KDM4A: variants seen among roughly 807,000 people sequenced by gnomAD.
KDM4A encodes the protein lysine-specific demethylase 4A.
In KDM4A, 23 loss-of-function variants were observed where a neutral mutation model predicts 127.1. That is an observed-to-expected ratio of 0.18 (90% CI 0.13 to 0.26). The LOEUF is 0.26. Ranked by LOEUF, KDM4A falls within the 10% of genes least tolerant of loss-of-function variation. KDM4A has a pLI of 1.00. For synonymous variants in KDM4A, 443 were observed against 466.5 expected, an observed-to-expected ratio of 0.95 and a Z score of 0.65; for missense variants, 890 against 1,329.1, an observed-to-expected ratio of 0.67 and a Z score of 5.14.
intron 2 of KDM4A, among the ~76,000 whole-genome samples, chr1:43,654,066 C>A (rs1481679149): frequency 6.6e-6 from 1 of 152,154 alleles, no homozygotes; most frequent in African/African-American, 2.4e-5. Flanking sequence ...AGTCTTGGAC[C>A]CTGGTGCCTC....
In KDM4A at chr1:43,671,709, C is replaced by A; in HGVS notation, c.1568C>A (p.Ser523Tyr). Residue 523 changes from serine to tyrosine, a missense_variant, in exon 11 of 22, where the codon TCT (serine) becomes TAT (tyrosine). This residue lies in a region of KDM4A where 389 missense variants were observed against 485.9 expected (regional missense o/e 0.80). Transcript: ENST00000372396. Reference protein sequence around the residue: ...GSGSSRDSISSDSETSEPLSC... With the variant: ...GSGSSRDSISYDSETSEPLSC... Reference sequence around the variant, plus strand: ...GGCTCTTCACGGGATTCTATCTCTTCTGATTCAGAAACTAGTGAGCCTCTC... The same window carrying A: ...GGCTCTTCACGGGATTCTATCTCTTATGATTCAGAAACTAGTGAGCCTCTC... 6.2e-7 allele frequency: 1 copy of A among 1,613,690 alleles called. No homozygotes were observed. Among genetic ancestry groups the A allele is most frequent in the Non-Finnish European group, 8.5e-7 (1 of 1,179,812 alleles).
Position 43,669,184 on chromosome 1 carries a change from C to A in KDM4A, c.1248C>A (p.Pro416=). 1.9e-6 allele frequency: 3 copies of A among 1,614,196 alleles called. No homozygotes were observed. The highest frequency in any genetic ancestry group is 2.5e-6 in the Non-Finnish European group (3 of 1,180,038). ...AGGTGAGTCAGAGTGAGCTCTTCCCCAAGGAGGATCTGAGTTCTGAGCAGT... is the reference window on the plus strand; with the variant it reads ...AGGTGAGTCAGAGTGAGCTCTTCCCAAAGGAGGATCTGAGTTCTGAGCAGT... The part of the protein sequence containing the change: ...PQEVSQSELF[P]KEDLSSEQYE... Residue 416 remains proline, a synonymous_variant, in exon 10 of 22, where the codon CCC becomes CCA. Transcript: ENST00000372396.
At chr1:43,697,597 ACTAG>A (rs1442817030) in intron 18 of KDM4A, among the ~76,000 whole-genome samples, 1 of 152,158 alleles carries the variant, frequency 6.6e-6, no homozygotes, top group Non-Finnish European at 1.5e-5. Context: ...CCAGTTGTGG[ACTAG>A]CTAAATTTAT....
At chr1:43,695,079 C>T (rs1241161477) in intron 18 of KDM4A, among the ~76,000 whole-genome samples, 185 bp downstream of exon 18, 1 of 152,196 alleles carries the variant, frequency 6.6e-6, no homozygotes, top group Non-Finnish European at 1.5e-5. Flanking sequence ...ACTCCATAAG[C>T]CAGTGACACC....
chr1:43,685,603 C>T (rs1660955443), intron 12 of KDM4A, among the ~76,000 whole-genome samples: 1 of 151,936 alleles, frequency 6.6e-6, no homozygotes, highest in South Asian at 2.1e-4. Flanking sequence ...ACCATCTCTA[C>T]TAAAAATACA....
chr1:43,690,266 C>T (rs1007693534), intron 13 of KDM4A, among the ~76,000 whole-genome samples: 41 of 152,170 alleles, frequency 2.7e-4, no homozygotes, highest in African/African-American at 8.7e-4. Flanking sequence ...GTGGGGTCAC[C>T]GCACAGTGTA....
intron 14 of KDM4A, 61 bp from the exon 15 acceptor site, chr1:43,691,435 C>G: frequency 7.2e-7 from 1 of 1,382,490 alleles, no homozygotes; most frequent in Middle Eastern, 1.8e-4. Context: ...AAAGGAATTG[C>G]AAATCTACCT....
rs1421615023 is a variant in KDM4A at position 43,704,358 on chromosome 1, C to T, written c.3183C>T (p.Ala1061=). Reference sequence around the variant, plus strand: ...ATATTGAGCCTGCACTATACCGGGCCATCATGGAGTAGGTGCTTCCAGGGT... The same window carrying T: ...ATATTGAGCCTGCACTATACCGGGCTATCATGGAGTAGGTGCTTCCAGGGT... ...EDYIEPALYR[A]IME Residue 1061 remains alanine, a synonymous_variant, in exon 22 of 22, where the codon GCC becomes GCT. Transcript: ENST00000372396. 9.9e-6 allele frequency: 16 copies of T among 1,613,356 alleles called. No individual in the cohort carries two copies. Among genetic ancestry groups the T allele is most frequent in the African/African-American group, 1.3e-5 (1 of 74,884 alleles).
chr1:43,666,389 G>C, intron 6 of KDM4A, 63 bp from the exon 7 acceptor site: 1 of 1,300,646 alleles, frequency 7.7e-7, no homozygotes, highest in Non-Finnish European at 1.1e-6. Flanking sequence ...GGTGTGAAGT[G>C]ACTCCAGGAT....
chr1:43,674,600 T>G (rs983209847), intron 11 of KDM4A, among the ~76,000 whole-genome samples: 109 of 151,550 alleles, frequency 7.2e-4, no homozygotes, highest in African/African-American at 2.4e-3. Context: ...CACTGCAACC[T>G]CCACCTCCTG....
rs748960998 is a variant in KDM4A, at chr1:43,674,450, G to A, written c.1734+2575G>A. ...TCAGGCATATGGAGCTCAGAATGTC[G>A]CTTTATTTACAAGTTAAAATGATTG... On this transcript the variant is annotated intron_variant, in intron 11 of 21. Coordinates refer to ENST00000372396, the MANE Select transcript of KDM4A (RefSeq NM_014663.3). Among the ~76,000 whole-genome samples, 26 of 151,688 alleles carry A rather than the reference G, an allele frequency of 1.7e-4. 1 individual carries two copies. The highest frequency in any genetic ancestry group is 8.3e-4 in the South Asian group (4 of 4,798).
At chr1:43,674,267 T>C (rs536840842) in intron 11 of KDM4A, among the ~76,000 whole-genome samples, 3 of 152,282 alleles carry the variant, frequency 2.0e-5, no homozygotes, top group Admixed American at 6.5e-5. Flanking sequence ...TTAAATACTT[T>C]ATATGCATTG....
At chr1:43,666,362 T>G in intron 6 of KDM4A, 90 bp from the exon 7 acceptor site, 3 of 1,010,018 alleles carry the variant, frequency 3.0e-6, no homozygotes, top group South Asian at 1.4e-5. Flanking sequence ...CTCTTTATCA[T>G]TCCGATGAGA....
At chr1:43,663,686 C>T (rs531578254) in intron 5 of KDM4A, among the ~76,000 whole-genome samples, 2 of 151,992 alleles carry the variant, frequency 1.3e-5, no homozygotes, top group African/African-American at 4.8e-5. Context: ...TGCAGTGGCA[C>T]CATTATGGCT....
intron 10 of KDM4A, among the ~76,000 whole-genome samples, chr1:43,670,902 A>G (rs1660603802): frequency 6.6e-6 from 1 of 151,972 alleles, no homozygotes; most frequent in African/African-American, 2.4e-5. Flanking sequence ...ACAGAGTCTG[A>G]CTTTGTTGCC....
chr1:43,654,804 A>T, intron 2 of KDM4A, among the ~76,000 whole-genome samples: 1 of 151,012 alleles, frequency 6.6e-6, no homozygotes, highest in Admixed American at 6.6e-5. Context: ...AAAGCTGTAT[A>T]GTATTCCATA....
At chr1:43,689,181 G>C in intron 13 of KDM4A, 86 bp downstream of exon 13, 1 of 1,407,978 alleles carries the variant, frequency 7.1e-7, no homozygotes, top group Non-Finnish European at 9.8e-7. Flanking sequence ...GCTTGTCACT[G>C]GTTGTCTTGG....
chr1:43,658,720 G>A (rs1452767725), intron 3 of KDM4A, among the ~76,000 whole-genome samples: 1 of 151,048 alleles, frequency 6.6e-6, no homozygotes, highest in Non-Finnish European at 1.5e-5. Flanking sequence ...AGACAGGATG[G>A]TCTTGATCTC....
At chr1:43,691,080 G>A (rs1415962746) in intron 14 of KDM4A, 31 bp downstream of exon 14, 1 of 1,609,234 alleles carries the variant, frequency 6.2e-7, no homozygotes, top group South Asian at 1.1e-5. Context: ...TCTGTGTCCT[G>A]TCCCAGGAGT....
Sources: gnomAD v4.1 joint callset for allele counts (sites outside exome capture counted in the v4.1 genomes callset) on GRCh38, gnomAD v4.1.1 for gene constraint, gnomAD v4.1.1 regional missense constraint, MANE v1.5 for transcripts, NCBI Gene and HGNC (gene_info 2026-07-23, HGNC 2026-07-21) for gene names.